PARP9: variants seen among roughly 807,000 people sequenced by gnomAD.
PARP9 encodes protein mono-ADP-ribosyltransferase PARP9.
PARP9 carries 48 observed loss-of-function variants against 68.8 expected under a neutral mutation model. The observed-to-expected ratio is 0.70, with a 90% CI of 0.55 to 0.89. The LOEUF is 0.89. Ranked by LOEUF, PARP9 falls within the 40% of genes least tolerant of loss-of-function variation. The pLI is 0.00. For missense variants in PARP9, 806 were observed against 969.3 expected (o/e 0.83, Z 2.24); for synonymous variants, 309 against 333.8 (o/e 0.93, Z 0.81).
At chr3:122,537,158 GAGGA>G (rs898393984) in intron 8 of PARP9, 85 bp from the exon 9 acceptor site, 2 of 1,399,382 alleles carry the variant, frequency 1.4e-6, no homozygotes, top group African/African-American at 2.9e-5. Flanking sequence ...TAGAAATTTA[GAGGA>G]AGGGATTAGC....
At chr3:122,550,269 G>C (rs1455840752) in intron 6 of PARP9, among the ~76,000 whole-genome samples, 2 of 152,162 alleles carry the variant, frequency 1.3e-5, no homozygotes, top group African/African-American at 4.8e-5. Flanking sequence ...AGTAGAGACA[G>C]GGTTTCTCCA....
chr3:122,550,837 AG>A (rs751972917), intron 5 of PARP9, 35 bp from the exon 6 acceptor site: 2 of 1,561,616 alleles, frequency 1.3e-6, no homozygotes, highest in Non-Finnish European at 8.8e-7. Flanking sequence ...TCAGCATTTG[AG>A]TCAAGAACAA....
chr3:122,564,409 C>G (rs2080506508), upstream of PARP9: 1 of 1,601,040 alleles, frequency 6.2e-7, no homozygotes, highest in Non-Finnish European at 8.5e-7. Context: ...CCCCCGCGCC[C>G]TCCCGACGCG....
At position 122,555,835 on chromosome 3, in the gene PARP9, T is replaced by TC. The variant is rs755665069; in HGVS notation, c.335dup (p.Gly113ArgfsTer13). ...CTTTTACCAGGGCCAGGGCCAGGCCTCCCCCATGCAGAAGATCTTCATTGG... is the reference window on the plus strand; with the variant it reads ...CTTTTACCAGGGCCAGGGCCAGGCCTCCCCCCATGCAGAAGATCTTCATTGG... On this transcript the variant is annotated frameshift_variant, in exon 4 of 11. Coordinates refer to ENST00000682323, the MANE Select transcript of PARP9 (RefSeq NM_001146105.2). LOFTEE classifies it high-confidence loss of function. The TC allele has an allele frequency of 1.2e-6, 2 of 1,613,850 alleles. No homozygotes were observed. The highest frequency in any genetic ancestry group is 1.1e-5 in the South Asian group (1 of 91,058).
intron 5 of PARP9, among the ~76,000 whole-genome samples, chr3:122,551,872 T>C (rs2079230174): frequency 6.6e-6 from 1 of 152,228 alleles, no homozygotes; most frequent in Non-Finnish European, 1.5e-5. Context: ...ATCTGCAGTA[T>C]GCCTACTTAA....
At position 122,536,330 on chromosome 3, in the gene PARP9, C is replaced by G. The variant is rs776932998; in HGVS notation, c.1918G>C (p.Asp640His). Reference sequence around the variant, plus strand: ...AAGGCAGCCATAAGGACCTCATTGTCTATCTTCTCCACCTAGAACCATAGA... The same window carrying G: ...AAGGCAGCCATAAGGACCTCATTGTGTATCTTCTCCACCTAGAACCATAGA... The part of the protein sequence containing the change: ...GLQVLKVEKI[D>H]NEVLMAAFQR... Residue 640 changes from aspartate to histidine, a missense_variant, in exon 10 of 11, where the codon GAC (aspartate) becomes CAC (histidine). This residue lies in a region of PARP9 where 680 missense variants were observed against 858.8 expected (regional missense o/e 0.79). Coordinates refer to ENST00000682323, the MANE Select transcript of PARP9 (RefSeq NM_001146105.2). 6.2e-7 allele frequency: 1 copy of G among 1,614,114 alleles called. No individual in the cohort carries two copies. Among genetic ancestry groups the G allele is most frequent in the Non-Finnish European group, 8.5e-7 (1 of 1,179,990 alleles).
intron 10 of PARP9, chr3:122,534,242 G>A (rs2077488150): frequency 1.1e-6 from 1 of 905,602 alleles, no homozygotes; most frequent in Non-Finnish European, 1.3e-6. Context: ...TAAAGGAACT[G>A]TATTGCTGAA....
At chr3:122,540,186 G>C (rs2078085868) in intron 8 of PARP9, among the ~76,000 whole-genome samples, 1 of 152,248 alleles carries the variant, frequency 6.6e-6, no homozygotes, top group Admixed American at 6.5e-5. Flanking sequence ...CCATGGCTTG[G>C]GCTTGAGTTT....
intron 10 of PARP9, chr3:122,533,842 C>T (rs559329951): frequency 3.0e-6 from 3 of 985,410 alleles, no homozygotes; most frequent in East Asian, 2.3e-4. Context: ...GTCTCCTTTG[C>T]CTGTGGGTGG....
At chr3:122,564,750 G>C, upstream of PARP9, 1 of 1,103,014 alleles carries the variant, frequency 9.1e-7, no homozygotes, top group Non-Finnish European at 1.3e-6. Flanking sequence ...CAGGGACGGG[G>C]CCCTACTGCC....
chr3:122,533,013 T>A (rs958888897), intron 10 of PARP9: 1 of 152,172 alleles, frequency 6.6e-6, no homozygotes, highest in Non-Finnish European at 1.5e-5. Flanking sequence ...AAGAATGTAA[T>A]TTTTAGCGTG....
intron 7 of PARP9, among the ~76,000 whole-genome samples, chr3:122,541,476 T>C (rs2078227563): frequency 1.3e-5 from 2 of 152,222 alleles, no homozygotes; most frequent in African/African-American, 4.8e-5. Context: ...CTAAGTATTA[T>C]TTCCTGCTGA....
intron 7 of PARP9, among the ~76,000 whole-genome samples, chr3:122,544,025 T>C (rs867831980): frequency 8.5e-5 from 13 of 152,350 alleles, no homozygotes; most frequent in Middle Eastern, 3.4e-3. Context: ...ATTAATGACA[T>C]ACAGACCTTT....
chr3:122,562,284 G>A (rs1576451494), intron 1 of PARP9, among the ~76,000 whole-genome samples: 2 of 151,522 alleles, frequency 1.3e-5, no homozygotes, highest in Admixed American at 6.6e-5. Flanking sequence ...CCGGGTTCAC[G>A]CCATTCTGCT....
At position 122,548,329 on chromosome 3, in the gene PARP9, G is replaced by A. The variant is rs375521377; in HGVS notation, c.1326+2255C>T. Among the ~76,000 whole-genome samples the A allele has an allele frequency of 2.0e-4, 31 of 152,320 alleles. No individual in the cohort carries two copies. The East Asian group carries it at 3.3e-3, about 16-fold the overall frequency. On this transcript the variant is annotated intron_variant, in intron 6 of 10. Transcript: ENST00000682323. ...AGGCCAAGAGGTGGGAATATGAGCAGTCAGAGAACTAATGTTTGCAGCCAC... is the reference window on the plus strand; with the variant it reads ...AGGCCAAGAGGTGGGAATATGAGCAATCAGAGAACTAATGTTTGCAGCCAC...
At chr3:122,552,107 T>C (rs2079249508) in intron 5 of PARP9, among the ~76,000 whole-genome samples, 2 of 151,434 alleles carry the variant, frequency 1.3e-5, no homozygotes, top group Admixed American at 1.3e-4. Flanking sequence ...TTGGTAGAGA[T>C]GGGGGTCTTG....
chr3:122,564,427 A>G (rs1227360643), upstream of PARP9: 1 of 1,608,546 alleles, frequency 6.2e-7, no homozygotes, highest in Non-Finnish European at 8.5e-7. Context: ...GCGCAGAGCC[A>G]TGGCCTCCCA....
chr3:122,535,905 G>C (rs2077606387), intron 10 of PARP9: 1 of 1,358,588 alleles, frequency 7.4e-7, no homozygotes, highest in Non-Finnish European at 9.5e-7. Flanking sequence ...ACACATAAAG[G>C]AGAAAAACAG....
intron 10 of PARP9, among the ~76,000 whole-genome samples, chr3:122,531,100 C>A (rs527618776): frequency 4.6e-5 from 7 of 152,192 alleles, no homozygotes; most frequent in African/African-American, 1.7e-4. Context: ...TCTTTGAAAT[C>A]CGGTGTGTAT....
Sources: gnomAD v4.1 joint callset for allele counts (sites outside exome capture counted in the v4.1 genomes callset) on GRCh38, gnomAD v4.1.1 for gene constraint, gnomAD v4.1.1 regional missense constraint, MANE v1.5 for transcripts, NCBI Gene and HGNC (gene_info 2026-07-23, HGNC 2026-07-21) for gene names.